Variants in RAPGEF5 observed in about 807,000 individuals in gnomAD.
RAPGEF5 encodes the protein M-Ras-regulated GEF.
A neutral mutation model predicts 125.2 loss-of-function variants in RAPGEF5; 65 were observed. The observed-to-expected ratio is 0.52, with a 90% CI of 0.43 to 0.64. RAPGEF5 has a LOEUF of 0.64. RAPGEF5 is among the 30% of genes least tolerant of loss of function. The pLI, the probability that RAPGEF5 is intolerant of heterozygous loss-of-function variation, is 0.00. For synonymous variants in RAPGEF5, 391 were observed against 385.9 expected (o/e 1.01, Z -0.16); for missense variants, 958 against 1,048.1 (o/e 0.91, Z 1.19).
chr7:22,246,199 C>T lies in RAPGEF5; in HGVS notation c.797-15280G>A, dbSNP rs574733084. Among the ~76,000 whole-genome samples, 6 of 152,242 alleles carry T rather than the reference C, an allele frequency of 3.9e-5. No individual in the cohort carries two copies. In the South Asian group the frequency reaches 1.2e-3, roughly 32 times the overall value. On this transcript the variant is annotated intron_variant, in intron 7 of 25. Transcript: ENST00000665637. Reference sequence around the variant, plus strand: ...GCCATTCCTATCAAGCTACCATTGTCATTTTTCACAGAACTAGAAAAAACT... The same window carrying T: ...GCCATTCCTATCAAGCTACCATTGTTATTTTTCACAGAACTAGAAAAAACT...
intron 6 of RAPGEF5, among the ~76,000 whole-genome samples, chr7:22,289,136 T>C (rs1421842485): frequency 6.6e-6 from 1 of 152,172 alleles, no homozygotes; most frequent in Non-Finnish European, 1.5e-5. Context: ...TTTACGACTT[T>C]ACTTATTCAC....
chr7:22,287,200 T>C (rs781262914), intron 6 of RAPGEF5, among the ~76,000 whole-genome samples: 1 of 152,228 alleles, frequency 6.6e-6, no homozygotes, highest in Non-Finnish European at 1.5e-5. Context: ...AAGATGGCTC[T>C]TCCCTGAAGA....
intron 11 of RAPGEF5, among the ~76,000 whole-genome samples, chr7:22,189,120 T>C (rs1004032836): frequency 4.0e-5 from 6 of 149,600 alleles, no homozygotes; most frequent in Non-Finnish European, 8.9e-5. Context: ...AATCAGCTGG[T>C]AGGCTTTACC....
chr7:22,320,986 AGTG>A (rs1783703995), intron 1 of RAPGEF5, among the ~76,000 whole-genome samples: 1 of 152,180 alleles, frequency 6.6e-6, no homozygotes, highest in Admixed American at 6.5e-5. Flanking sequence ...TAATGCCCAA[AGTG>A]ATGATTCCTT....
intron 7 of RAPGEF5, among the ~76,000 whole-genome samples, chr7:22,247,368 C>T (rs1440559954): frequency 1.3e-5 from 2 of 152,216 alleles, no homozygotes; most frequent in Non-Finnish European, 2.9e-5. Context: ...TGAATTGTAG[C>T]TCCCATAATC....
chr7:22,343,682 A>G (rs1784170459), intron 1 of RAPGEF5, among the ~76,000 whole-genome samples: 1 of 152,150 alleles, frequency 6.6e-6, no homozygotes, highest in Non-Finnish European at 1.5e-5. Context: ...AACCATGAAA[A>G]ATGTGTTTTA....
chr7:22,262,331 T>C (rs1228518211), intron 7 of RAPGEF5, among the ~76,000 whole-genome samples: 2 of 152,046 alleles, frequency 1.3e-5, no homozygotes, highest in Non-Finnish European at 1.5e-5. Context: ...TCATTAGCCA[T>C]CAGGGAAACG....
chr7:22,275,002 G>A (rs1190534836), intron 6 of RAPGEF5, among the ~76,000 whole-genome samples: 5 of 152,082 alleles, frequency 3.3e-5, no homozygotes, highest in Non-Finnish European at 5.9e-5. Context: ...CATGCTCGAA[G>A]CTTATTAAAA....
intron 16 of RAPGEF5, among the ~76,000 whole-genome samples, chr7:22,156,605 T>C (rs1217358313): frequency 6.6e-6 from 1 of 152,250 alleles, no homozygotes; most frequent in Non-Finnish European, 1.5e-5. Context: ...ATAAGTATCC[T>C]TGGTGCTTGG....
Position 22,193,979 on chromosome 7 carries a change from C to T in RAPGEF5, c.1051G>A (p.Val351Met), listed in dbSNP as rs768606959. Residue 351 changes from valine to methionine, a missense_variant, in exon 10 of 26, where the codon GTG becomes ATG. Physicochemically the swap from Val to Met is conservative, Grantham distance 21. Coordinates refer to ENST00000665637, the MANE Select transcript of RAPGEF5 (RefSeq NM_012294.5). ...CCACAGCACTGCACTTTCTTCAGCACCAGGACGCTCTGGTCTTGCTCTTTA... is the reference window on the plus strand; with the variant it reads ...CCACAGCACTGCACTTTCTTCAGCATCAGGACGCTCTGGTCTTGCTCTTTA... Reference protein sequence around the residue: ...QVKEQDQSVLVLKKVQCCGPA... With the variant: ...QVKEQDQSVLMLKKVQCCGPA... The T allele has an allele frequency of 1.9e-6, 3 of 1,613,904 alleles. No individual in the cohort carries two copies. In the South Asian group the frequency reaches 3.3e-5, roughly 18 times the overall value.
At chr7:22,263,333 G>A (rs529557880) in intron 7 of RAPGEF5, among the ~76,000 whole-genome samples, 1 of 152,258 alleles carries the variant, frequency 6.6e-6, no homozygotes, top group South Asian at 2.1e-4. Flanking sequence ...TATTACAATT[G>A]TGTGCAAATC....
chr7:22,354,243 G>A (rs1396352314), intron 1 of RAPGEF5, among the ~76,000 whole-genome samples: 2 of 152,146 alleles, frequency 1.3e-5, no homozygotes, highest in African/African-American at 2.4e-5. Context: ...TCAGATCTTG[G>A]TCAATATAGG....
chr7:22,184,486 T>C (rs547796520), intron 11 of RAPGEF5, among the ~76,000 whole-genome samples: 13 of 152,352 alleles, frequency 8.5e-5, no homozygotes, highest in African/African-American at 3.1e-4. Flanking sequence ...ATGAAAATGA[T>C]GCAATTAAAA....
chr7:22,132,378 C>CTTTTTTTTTTTTTT (rs33968264), intron 23 of RAPGEF5, among the ~76,000 whole-genome samples: 1 of 148,058 alleles, frequency 6.8e-6, no homozygotes. Flanking sequence ...CCTTTCCTCT[C>CTTTTTTTTTTTTTT]TTTTTTTTTT....
chr7:22,269,754 G>A (rs181612334), intron 6 of RAPGEF5, among the ~76,000 whole-genome samples: 9 of 152,248 alleles, frequency 5.9e-5, no homozygotes, highest in East Asian at 3.9e-4. Flanking sequence ...GGACCTGTTG[G>A]CACTGGAAAA....
chr7:22,271,201 T>C (rs1782409170), intron 6 of RAPGEF5, among the ~76,000 whole-genome samples: 1 of 152,210 alleles, frequency 6.6e-6, no homozygotes. Context: ...TACTGATATT[T>C]AGGCCCCAAC....
intron 5 of RAPGEF5, among the ~76,000 whole-genome samples, chr7:22,295,710 G>A (rs1271076555): frequency 6.6e-6 from 1 of 151,804 alleles, no homozygotes; most frequent in Admixed American, 6.6e-5. Context: ...GTTCACTTAC[G>A]ATGCCAATAC....
At chr7:22,228,879 CTAGTCT>C (rs1009947664) in intron 8 of RAPGEF5, among the ~76,000 whole-genome samples, 4 of 152,100 alleles carry the variant, frequency 2.6e-5, no homozygotes, top group Non-Finnish European at 5.9e-5. Flanking sequence ...GGCAGCGCCC[CTAGTCT>C]TTACATTATG....
chr7:22,162,380 TG>T lies in RAPGEF5; in HGVS notation c.1428+16del. 1 of 1,549,096 alleles carries T rather than the reference TG, an allele frequency of 6.5e-7. No homozygotes were observed. The highest frequency in any genetic ancestry group is 1.4e-5 in the African/African-American group (1 of 73,252). On this transcript the variant is annotated intron_variant, in intron 13 of 25. Transcript: ENST00000665637. Reference sequence around the variant, plus strand: ...CAGTTATTTGGCATCAAAGAATATCTGGAAATGTTTGATTACCTTTAAAAAC... The same window carrying T: ...CAGTTATTTGGCATCAAAGAATATCTGAAATGTTTGATTACCTTTAAAAAC...
Sources: gnomAD v4.1 joint callset for allele counts (sites outside exome capture counted in the v4.1 genomes callset) on GRCh38, gnomAD v4.1.1 for gene constraint, MANE v1.5 for transcripts, NCBI Gene and HGNC (gene_info 2026-07-23, HGNC 2026-07-21) for gene names.